MUSK: variants seen among roughly 807,000 people sequenced by gnomAD.
The protein encoded by MUSK is muscle, skeletal receptor tyrosine-protein kinase.
In MUSK, 55 loss-of-function variants were observed where a neutral mutation model predicts 88.7. That is an observed-to-expected ratio of 0.62 (90% CI 0.50 to 0.78). MUSK has a LOEUF of 0.78. Ranked by LOEUF, MUSK falls within the 30% of genes least tolerant of loss-of-function variation. MUSK has a pLI of 0.00. For missense variants in MUSK, 1,015 were observed against 1,074.3 expected, an observed-to-expected ratio of 0.94 and a Z score of 0.77; for synonymous variants, 387 against 391.9, an observed-to-expected ratio of 0.99 and a Z score of 0.15.
chr9:110,768,198 C>A, intron 9 of MUSK, 115 bp downstream of exon 9: 2 of 1,128,708 alleles, frequency 1.8e-6, no homozygotes, highest in Non-Finnish European at 2.5e-6. Flanking sequence ...TGGTTTTCAT[C>A]CAAAATAGGA....
chr9:110,769,556 C>T (rs1012327134), intron 9 of MUSK, among the ~76,000 whole-genome samples: 2 of 152,014 alleles, frequency 1.3e-5, no homozygotes, highest in African/African-American at 2.4e-5. Flanking sequence ...AATACTGATG[C>T]TATTTCAACT....
At chr9:110,785,914 A>G (rs1383808326) in intron 13 of MUSK, among the ~76,000 whole-genome samples, 196 bp downstream of exon 13, 1 of 148,982 alleles carries the variant, frequency 6.7e-6, no homozygotes, top group Non-Finnish European at 1.5e-5. Context: ...ACACACATAT[A>G]CATATATACA....
chr9:110,728,671 C>T (rs765478098), intron 5 of MUSK: 2 of 1,543,458 alleles, frequency 1.3e-6, no homozygotes, highest in Non-Finnish European at 8.8e-7. Flanking sequence ...TTTGTTTTGT[C>T]TTGTTTTTAT....
Position 110,806,377 on chromosome 9 carries a change from C to G in MUSK, c.*5389C>G, listed in dbSNP as rs139866119. Among the ~76,000 whole-genome samples the G allele has an allele frequency of 2.0e-3, 299 of 152,288 alleles. 1 individual carries two copies. The highest frequency in any genetic ancestry group is 6.8e-3 in the African/African-American group (281 of 41,578). ...TTTCCCTCCATCACTTCTCCCTGCT[C>G]TCTACTCTCACAATCAGTCAACTAT... On this transcript the variant is annotated 3_prime_UTR_variant, in exon 15 of 15. Transcript: ENST00000374448.
At chr9:110,677,889 G>C (rs1395509931) in intron 1 of MUSK, among the ~76,000 whole-genome samples, 1 of 152,128 alleles carries the variant, frequency 6.6e-6, no homozygotes, top group Non-Finnish European at 1.5e-5. Context: ...TATGACTATA[G>C]TAAATCCTGT....
At chr9:110,680,560 A>G (rs1008886643) in intron 1 of MUSK, among the ~76,000 whole-genome samples, 5 of 151,312 alleles carry the variant, frequency 3.3e-5, no homozygotes, top group African/African-American at 1.2e-4. Context: ...AATTTTTTGT[A>G]TTTTTAGTAG....
At chr9:110,787,254 C>A (rs1164048073) in intron 13 of MUSK, among the ~76,000 whole-genome samples, 1 of 145,854 alleles carries the variant, frequency 6.9e-6, no homozygotes, top group Non-Finnish European at 1.5e-5. Context: ...CCCAGCTACT[C>A]AGGAGGCTGA....
At chr9:110,776,830 T>G (rs1238580365) in intron 11 of MUSK, among the ~76,000 whole-genome samples, 175 bp downstream of exon 11, 2 of 152,148 alleles carry the variant, frequency 1.3e-5, no homozygotes, top group Admixed American at 1.3e-4. Flanking sequence ...AGGTCTCAGT[T>G]TATAACTTTT....
chr9:110,777,762 C>T (rs749951737), intron 11 of MUSK, among the ~76,000 whole-genome samples: 3 of 152,092 alleles, frequency 2.0e-5, no homozygotes, highest in Non-Finnish European at 1.5e-5. Context: ...AAAGCATCCA[C>T]ATTTCTGCCT....
chr9:110,680,945 G>A (rs1421319361), intron 1 of MUSK, among the ~76,000 whole-genome samples: 2 of 99,390 alleles, frequency 2.0e-5, no homozygotes, highest in African/African-American at 4.0e-5. Context: ...ATATTATAAT[G>A]ATCCTTATGA....
Position 110,804,161 on chromosome 9 carries a change from C to A in MUSK, c.*3173C>A, listed in dbSNP as rs1564303562. 6.6e-6 allele frequency among the ~76,000 whole-genome samples: 1 copy of A among 152,046 alleles called. No homozygotes were observed. Among genetic ancestry groups the A allele is most frequent in the Non-Finnish European group, 1.5e-5 (1 of 67,974 alleles). ...ATTTTATTCATATACTGTAATTTAG[C>A]TAATCAATCTTGTATTTTTGAACAT... On this transcript the variant is annotated 3_prime_UTR_variant, in exon 15 of 15. Transcript: ENST00000374448.
rs77508668 is a variant in MUSK, at chr9:110,767,708, A to G, written c.921-112A>G. 19,025 of 1,214,292 alleles carry G rather than the reference A, an allele frequency of 0.016. 704 individuals carry two copies. The highest frequency in any genetic ancestry group is 0.12 in the African/African-American group (8,146 of 66,562). 75.2% of individuals were successfully genotyped at this position (1,214,292 alleles called of 1,614,324 possible). ...AGCGTGTCAACCAATTTACTAGTAC[A>G]ATTTTCTCCTATTTCTGAGACACAG... is the stretch of plus-strand genomic sequence containing the variant. On this transcript the variant is annotated intron_variant, in intron 8 of 14. Coordinates refer to ENST00000374448, the MANE Select transcript of MUSK (RefSeq NM_005592.4).
chr9:110,722,698 GAAA>G (rs150398315), intron 5 of MUSK, among the ~76,000 whole-genome samples: 1 of 148,722 alleles, frequency 6.7e-6, no homozygotes, highest in African/African-American at 2.5e-5. Context: ...GAAACAGCAA[GAAA>G]AAAAAAATCC....
At chr9:110,717,231 A>G (rs1587947582) in intron 5 of MUSK, among the ~76,000 whole-genome samples, 1 of 148,340 alleles carries the variant, frequency 6.7e-6, no homozygotes, top group African/African-American at 2.6e-5. Context: ...TATTTTTTTA[A>G]TTCTCCACTT....
chr9:110,692,193 T>C (rs2076365852), intron 3 of MUSK, among the ~76,000 whole-genome samples: 1 of 152,124 alleles, frequency 6.6e-6, no homozygotes, highest in Non-Finnish European at 1.5e-5. Context: ...AAGATCTCAC[T>C]CTGTAACTCA....
At chr9:110,671,356 C>T (rs75350465) in intron 1 of MUSK, among the ~76,000 whole-genome samples, 20,208 of 152,038 alleles carry the variant, frequency 0.13, 1,546 homozygotes, top group Non-Finnish European at 0.17. Flanking sequence ...TCTTGGCAGA[C>T]GGTAATAACA....
rs1470262151 is a variant in MUSK, at chr9:110,800,992, T to C, written c.*4T>C. The C allele has an allele frequency of 6.6e-7, 1 of 1,505,794 alleles. No homozygotes were observed. The highest frequency in any genetic ancestry group is 2.3e-5 in the East Asian group (1 of 43,972). The allele number at this position is 1,505,794 out of a possible 1,614,324, so 93.3% of individuals were successfully genotyped here. Reference sequence around the variant, plus strand: ...AGAGGGAACTGTGAGTGTCTAAGGTTGAAGACGTTCAAATAAAATGCTGCA... The same window carrying C: ...AGAGGGAACTGTGAGTGTCTAAGGTCGAAGACGTTCAAATAAAATGCTGCA... On this transcript the variant is annotated 3_prime_UTR_variant, in exon 15 of 15. Transcript: ENST00000374448.
chr9:110,686,362 G>A (rs1390776301), intron 2 of MUSK, among the ~76,000 whole-genome samples: 2 of 152,068 alleles, frequency 1.3e-5, no homozygotes, highest in African/African-American at 4.8e-5. Context: ...TGCAAAATAA[G>A]GTAACATATT....
chr9:110,753,229 G>A (rs551077672), intron 7 of MUSK, among the ~76,000 whole-genome samples: 4 of 152,090 alleles, frequency 2.6e-5, no homozygotes, highest in East Asian at 1.9e-4. Flanking sequence ...TCAGGAGTTC[G>A]AGACCAGCTT....
Sources: allele counts gnomAD v4.1 joint callset (sites outside exome capture counted in the v4.1 genomes callset), GRCh38; gene constraint gnomAD v4.1.1; transcripts MANE v1.5; gene names NCBI Gene and HGNC (gene_info 2026-07-23, HGNC 2026-07-21).